POT1: variants seen among roughly 807,000 people sequenced by gnomAD.
POT1 encodes the protein protection of telomeres protein 1.
In POT1, 47 loss-of-function variants were observed where a neutral mutation model predicts 78.5. That is an observed-to-expected ratio of 0.60 (90% CI 0.47 to 0.76). POT1 has a LOEUF of 0.76. Among genes scored for constraint, POT1 ranks in the 30% least tolerant of loss-of-function variants. POT1 has a pLI of 0.00. For synonymous variants in POT1, 259 were observed against 260.7 expected (o/e 0.99, Z 0.06); for missense variants, 646 against 749.9 (o/e 0.86, Z 1.62).
Position 124,871,040 on chromosome 7 carries a change from A to T in POT1, c.126T>A (p.Asp42Glu). ...CCACAATAGTTACAACTGAGCAATA[A>T]TCTGGAAAACACAAAAATATTTTAC... ...FKPPYLSKGT[D>E]YCSVVTIVDQ... Residue 42 changes from aspartate to glutamate, a missense_variant and splice_region_variant, in exon 7 of 19, where the codon GAT becomes GAA. This residue lies in a region of POT1 where 252 missense variants were observed against 341.4 expected (regional missense o/e 0.74). Transcript: ENST00000357628. 6.3e-7 allele frequency: 1 copy of T among 1,575,176 alleles called. No homozygotes were observed. The highest frequency in any genetic ancestry group is 8.6e-7 in the Non-Finnish European group (1 of 1,161,754).
At chr7:124,899,365 GT>G (rs1436441102) in intron 3 of POT1, among the ~76,000 whole-genome samples, 1 of 151,966 alleles carries the variant, frequency 6.6e-6, no homozygotes, top group Non-Finnish European at 1.5e-5. Flanking sequence ...CAATTCCTGC[GT>G]TTTTTTCTTC....
At chr7:124,912,049 G>A (rs1796900681) in intron 3 of POT1, among the ~76,000 whole-genome samples, 1 of 152,036 alleles carries the variant, frequency 6.6e-6, no homozygotes, top group South Asian at 2.1e-4. Flanking sequence ...CTAAACTACT[G>A]GGCTCAGGGT....
In POT1 at chr7:124,841,093, A is replaced by G. The variant is rs1348018882; in HGVS notation, c.1249T>C (p.Ser417Pro). ...KTPDVKLQNT[S>P]LYDSKIWTTK... is the part of the protein sequence containing the mutation. Reference sequence around the variant, plus strand: ...GTCCAGATTTTTGAATCATATAATGATGTATTTTGTAGCTTGACATCTGGG... The same window carrying G: ...GTCCAGATTTTTGAATCATATAATGGTGTATTTTGTAGCTTGACATCTGGG... The change falls in exon 14 of 19, where the codon TCA (serine) becomes CCA (proline). Residue 417 changes from serine to proline, a missense_variant. By Grantham distance (74) the Ser-to-Pro change is moderately conservative (BLOSUM62 -1). Around this residue, in one of 2 missense-constraint regions of POT1, gnomAD observed 394 missense variants for 408.4 expected, o/e 0.96. Coordinates refer to ENST00000357628, the MANE Select transcript of POT1 (RefSeq NM_015450.3). 6.2e-7 allele frequency: 1 copy of G among 1,612,582 alleles called. No homozygotes were observed. Among genetic ancestry groups the G allele is most frequent in the Non-Finnish European group, 8.5e-7 (1 of 1,179,014 alleles).
chr7:124,865,116 A>G (rs1795689311), intron 7 of POT1, among the ~76,000 whole-genome samples: 1 of 152,172 alleles, frequency 6.6e-6, no homozygotes, highest in African/African-American at 2.4e-5. Flanking sequence ...TTCTATCACC[A>G]TATAAAACTT....
At chr7:124,921,005 A>G (rs6961518) in intron 2 of POT1, among the ~76,000 whole-genome samples, 151,348 of 152,242 alleles carry the variant, frequency 0.99, 75,238 homozygotes, top group Middle Eastern at 1. Context: ...GCTGAGGCAG[A>G]AGGATTCCTT....
In POT1 at chr7:124,859,124, G is replaced by A. The variant is rs745804522; in HGVS notation, c.547-12C>T. The stretch of plus-strand genomic sequence containing the variant: ...GTGCCATCCCATACCTGCCATAAGA[G>A]AGTAGAGTAGTTTTATGATCCTTTT... On this transcript the variant is annotated splice_polypyrimidine_tract_variant and intron_variant, in intron 8 of 18. Transcript: ENST00000357628. 2.0e-6 allele frequency: 3 copies of A among 1,513,462 alleles called. No homozygotes were observed. The highest frequency in any genetic ancestry group is 2.8e-5 in the African/African-American group (2 of 72,156). The allele number at this position is 1,513,462 out of a possible 1,614,324, so 93.8% of individuals were successfully genotyped here. A position where few individuals can be genotyped will look rare whatever the true frequency, so the allele number is the denominator to read the frequency against.
chr7:124,891,135 T>C (rs948275377), intron 6 of POT1, among the ~76,000 whole-genome samples: 15 of 151,824 alleles, frequency 9.9e-5, no homozygotes, highest in African/African-American at 3.6e-4. Context: ...CCTACTATAA[T>C]TGTGTTGCTG....
At position 124,822,939 on chromosome 7, in the gene POT1, T is replaced by C. The variant is rs1794540625; in HGVS notation, c.*1023A>G. ...TTCAGATGTTTAAGTCAAAGACTCG[T>C]TGCAGAAAACTGTTAGCTTCTGTTC... On this transcript the variant is annotated 3_prime_UTR_variant, in exon 19 of 19. Transcript: ENST00000357628. 1 of 169,246 alleles carries C rather than the reference T, an allele frequency of 5.9e-6. No individual in the cohort carries two copies. The highest frequency in any genetic ancestry group is 1.4e-4 in the East Asian group (1 of 7,054). The allele number at this position is 169,246 out of a possible 1,614,324, so 10.5% of individuals were successfully genotyped here.
intron 9 of POT1, among the ~76,000 whole-genome samples, chr7:124,857,066 T>C (rs1005981242): frequency 1.3e-5 from 2 of 152,212 alleles, no homozygotes; most frequent in Non-Finnish European, 2.9e-5. Flanking sequence ...TTCTAATTAC[T>C]ATTTTTTCTG....
intron 14 of POT1, among the ~76,000 whole-genome samples, chr7:124,838,759 T>C (rs10269011): frequency 0.4 from 60,561 of 151,818 alleles, 12,203 homozygotes; most frequent in East Asian, 0.5. Flanking sequence ...GTATGCACCA[T>C]GATGCCTGGC....
rs1794553637 is a variant in POT1, at chr7:124,823,452, G to C, written c.*510C>G. On this transcript the variant is annotated 3_prime_UTR_variant, in exon 19 of 19. Coordinates refer to ENST00000357628, the MANE Select transcript of POT1 (RefSeq NM_015450.3). ...ACTAAGTTAACATCTCATTCAATTAGTTGTAAGTTGTAATAGCGGCATATT... is the reference window on the plus strand; with the variant it reads ...ACTAAGTTAACATCTCATTCAATTACTTGTAAGTTGTAATAGCGGCATATT... The C allele has an allele frequency of 6.6e-6, 1 of 151,974 alleles. No homozygotes were observed. The highest frequency in any genetic ancestry group is 1.5e-5 in the Non-Finnish European group (1 of 67,958). The allele number at this position is 151,974 out of a possible 1,614,324, so 9.4% of individuals were successfully genotyped here.
chr7:124,890,989 T>A (rs1796357055), intron 6 of POT1, among the ~76,000 whole-genome samples: 1 of 151,820 alleles, frequency 6.6e-6, no homozygotes. Context: ...CTGTTGTAGC[T>A]GGGTAGAATA....
At chr7:124,825,762 A>C (rs932526471) in intron 17 of POT1, among the ~76,000 whole-genome samples, 1 of 152,170 alleles carries the variant, frequency 6.6e-6, no homozygotes, top group Non-Finnish European at 1.5e-5. Context: ...GAAGGAAGGA[A>C]TTTTGTTTAC....
At chr7:124,892,729 T>C (rs1002420145) in intron 5 of POT1, 1 of 155,774 alleles carries the variant, frequency 6.4e-6, no homozygotes, top group African/African-American at 2.4e-5. Context: ...ATGGGTCTAT[T>C]AGGCAATTTA....
chr7:124,862,776 T>C lies in POT1; in HGVS notation c.546+574A>G, dbSNP rs965592355. ...ATAGGATGTCCAGGCAAGAAAAACA[T>C]CAAACATCCAGCTTCTCCAGAAGTT... On this transcript the variant is annotated intron_variant, in intron 8 of 18. Coordinates refer to ENST00000357628, the MANE Select transcript of POT1 (RefSeq NM_015450.3). 2.0e-5 allele frequency among the ~76,000 whole-genome samples: 3 copies of C among 152,288 alleles called. 1 individual carries two copies. The highest frequency in any genetic ancestry group is 4.1e-4 in the South Asian group (2 of 4,826).
intron 16 of POT1, among the ~76,000 whole-genome samples, chr7:124,828,496 T>G (rs1489695021): frequency 6.6e-6 from 1 of 152,052 alleles, no homozygotes; most frequent in East Asian, 1.9e-4. Flanking sequence ...AAGAATAAAT[T>G]AGGACATACA....
At chr7:124,864,019 C>A (rs1293913226) in intron 7 of POT1, among the ~76,000 whole-genome samples, 1 of 151,988 alleles carries the variant, frequency 6.6e-6, no homozygotes, top group Non-Finnish European at 1.5e-5. Flanking sequence ...ATAGAAAAGA[C>A]CAGAACACTT....
At chr7:124,901,119 C>T (rs886346814) in intron 3 of POT1, among the ~76,000 whole-genome samples, 2 of 152,140 alleles carry the variant, frequency 1.3e-5, no homozygotes, top group African/African-American at 2.4e-5. Context: ...CAGACTTAAA[C>T]GTCCCCATCT....
At chr7:124,850,013 A>G (rs1024047883) in intron 11 of POT1, among the ~76,000 whole-genome samples, 1 of 152,186 alleles carries the variant, frequency 6.6e-6, no homozygotes. Context: ...AAGCTATTCA[A>G]CTGGATATTA....
Sources: allele counts gnomAD v4.1 joint callset (sites outside exome capture counted in the v4.1 genomes callset), GRCh38; gene constraint gnomAD v4.1.1; regional missense constraint gnomAD v4.1.1; transcripts MANE v1.5; gene names NCBI Gene and HGNC (gene_info 2026-07-23, HGNC 2026-07-21).